ABCG1: variants seen among roughly 807,000 people sequenced by gnomAD.
ABCG1 encodes ATP binding cassette subfamily G member 1.
Under a neutral mutation model 69.2 loss-of-function variants are expected in ABCG1, and 29 were observed. That is an observed-to-expected ratio of 0.42 (90% CI 0.31 to 0.57). ABCG1 has a LOEUF of 0.57. Among genes scored for constraint, ABCG1 ranks in the 20% least tolerant of loss-of-function variants. ABCG1 has a pLI of 0.15. For synonymous variants in ABCG1, 370 were observed against 374.8 expected, an observed-to-expected ratio of 0.99 and a Z score of 0.15; for missense variants, 718 against 898.1, an observed-to-expected ratio of 0.80 and a Z score of 2.56.
intron 2 of ABCG1, 24 bp from the exon 3 acceptor site, chr21:42,271,046 T>C (rs1006029529): frequency 7.1e-6 from 10 of 1,403,580 alleles, no homozygotes; most frequent in South Asian, 6.1e-5. Flanking sequence ...GAAATGAATA[T>C]GAATATGATC....
chr21:42,243,445 CGCGTGTGT>C (rs61243535), intron 2 of ABCG1, among the ~76,000 whole-genome samples: 6,129 of 79,680 alleles, frequency 0.077, 314 homozygotes, highest in African/African-American at 0.2. Context: ...CGTGTGTGTG[CGCGTGTGT>C]GTGTGTGTGT....
chr21:42,293,072 C>CACACAACACACT (rs2069108255), intron 13 of ABCG1, among the ~76,000 whole-genome samples: 2 of 72,700 alleles, frequency 2.8e-5, no homozygotes, highest in African/African-American at 6.2e-5. Context: ...CCACACTACA[C>CACACAACACACT]ACACACCACA....
At chr21:42,281,939 C>T (rs2068817391) in intron 5 of ABCG1, among the ~76,000 whole-genome samples, 1 of 152,244 alleles carries the variant, frequency 6.6e-6, no homozygotes, top group South Asian at 2.1e-4. Context: ...CTAGGCTTAG[C>T]AGTGAGGAAC....
At chr21:42,254,014 G>A (rs759911428) in intron 2 of ABCG1, among the ~76,000 whole-genome samples, 25 of 152,184 alleles carry the variant, frequency 1.6e-4, no homozygotes, top group Non-Finnish European at 3.2e-4. Flanking sequence ...AGCTGCTGGT[G>A]CTGCTTAGAG....
rs947593920 is a variant in ABCG1, at chr21:42,273,525, C to G, written c.537+90C>G. 1 of 1,468,644 alleles carries G rather than the reference C, an allele frequency of 6.8e-7. No individual in the cohort carries two copies. The highest frequency in any genetic ancestry group is 2.1e-5 in the Admixed American group (1 of 47,856). 91.0% of individuals were successfully genotyped at this position (1,468,644 alleles called of 1,614,324 possible). Reference sequence around the variant, plus strand: ...ACAGCACTGGCCGAGTGCCCAGCTGCGAGGGACCCAAGGGCTCTGCCACGC... The same window carrying G: ...ACAGCACTGGCCGAGTGCCCAGCTGGGAGGGACCCAAGGGCTCTGCCACGC... On this transcript the variant is annotated intron_variant, in intron 4 of 14. Coordinates refer to ENST00000398449, the MANE Select transcript of ABCG1 (RefSeq NM_016818.3). The surrounding 1 kb of genome is among the most constrained non-coding windows in gnomAD (Gnocchi z 5.3).
At chr21:42,235,683 C>T (rs1303807699) in intron 2 of ABCG1, among the ~76,000 whole-genome samples, 1 of 152,138 alleles carries the variant, frequency 6.6e-6, no homozygotes, top group South Asian at 2.1e-4. Context: ...GGTTACGATA[C>T]GGGGCTGTGG....
chr21:42,216,115 CTT>C (rs1389490771), upstream of ABCG1: 2 of 450,860 alleles, frequency 4.4e-6, no homozygotes, highest in African/African-American at 2.0e-5. Context: ...AGCTCTCTCT[CTT>C]GTCTGCCGCC....
At chr21:42,229,247 G>A (rs975170566) in intron 2 of ABCG1, among the ~76,000 whole-genome samples, 2 of 152,238 alleles carry the variant, frequency 1.3e-5, no homozygotes, top group African/African-American at 2.4e-5. Flanking sequence ...TGGGTCAGGG[G>A]CTACTTCTCT....
At chr21:42,261,669 G>A (rs372362800) in intron 2 of ABCG1, among the ~76,000 whole-genome samples, 4 of 152,204 alleles carry the variant, frequency 2.6e-5, no homozygotes, top group Admixed American at 1.3e-4. Context: ...CGGCCCCCTC[G>A]GGAAGCTGGC....
At chr21:42,283,712 T>TCCCCC (rs2068861579) in intron 6 of ABCG1, among the ~76,000 whole-genome samples, 13 of 76,466 alleles carry the variant, frequency 1.7e-4, no homozygotes, top group African/African-American at 7.7e-4. Flanking sequence ...AGTTGTGAAG[T>TCCCCC]ACCACCCACC....
intron 2 of ABCG1, among the ~76,000 whole-genome samples, chr21:42,244,080 A>G (rs1234508664): frequency 6.6e-6 from 1 of 151,986 alleles, no homozygotes; most frequent in East Asian, 1.9e-4. Flanking sequence ...CGGCCTCCCA[A>G]AGTGCTGGGA....
intron 2 of ABCG1, among the ~76,000 whole-genome samples, chr21:42,234,175 G>T (rs1320164302): frequency 1.3e-5 from 2 of 152,184 alleles, no homozygotes; most frequent in African/African-American, 4.8e-5. Context: ...GGGAAGGAGG[G>T]TGGAGGGGGA....
chr21:42,288,045 A>G lies in ABCG1; in HGVS notation c.1122+8A>G, dbSNP rs1174397752. The G allele has an allele frequency of 1.9e-6, 3 of 1,606,990 alleles. No individual in the cohort carries two copies. In the Admixed American group the frequency reaches 5.1e-5, roughly 27 times the overall value. Reference sequence around the variant, plus strand: ...CACCGGCCCTCTGAAGAGGTAAAGCAGACAAAACGATTAAAGGGGTTGAGA... The same window carrying G: ...CACCGGCCCTCTGAAGAGGTAAAGCGGACAAAACGATTAAAGGGGTTGAGA... On this transcript the variant is annotated splice_region_variant and intron_variant, in intron 9 of 14. Coordinates refer to ENST00000398449, the MANE Select transcript of ABCG1 (RefSeq NM_016818.3). This position sits in a 1 kb window ranked among gnomAD's most constrained non-coding sequence, Gnocchi z 4.8.
Position 42,226,490 on chromosome 21 carries a change from C to T in ABCG1, c.286+576C>T, listed in dbSNP as rs4148109. Among the ~76,000 whole-genome samples, 82 of 152,332 alleles carry T rather than the reference C, an allele frequency of 5.4e-4. 5 individuals are homozygous for T. The East Asian group carries it at 0.011, about 20-fold the overall frequency. ...GATAGAGCTCAGGAGGTGTCTGGAA[C>T]GCCACACAGTGCAGGAGTTTGCCAC... On this transcript the variant is annotated intron_variant, in intron 2 of 14. Transcript: ENST00000398449.
intron 2 of ABCG1, among the ~76,000 whole-genome samples, chr21:42,239,416 A>G (rs2068019458): frequency 1.3e-5 from 2 of 152,248 alleles, no homozygotes; most frequent in Non-Finnish European, 2.9e-5. Flanking sequence ...TTTAGTTCTC[A>G]TTCTAAATGT....
rs1417243333 is a variant in ABCG1 at position 42,282,329 on chromosome 21, G to A, written c.644G>A (p.Gly215Glu). ...CTGTCTTGCGCCAACACGCGGACCG[G>A]GAGCCTGTCAGGTGGTCAGCGCAAG... ...GLLSCANTRT[G>E]SLSGGQRKRL... The change falls in exon 6 of 15, where the codon GGG becomes GAG. Residue 215 changes from glycine to glutamate, a missense_variant. Transcript: ENST00000398449. The A allele has an allele frequency of 6.2e-7, 1 of 1,613,530 alleles. No individual in the cohort carries two copies. The highest frequency in any genetic ancestry group is 8.5e-7 in the Non-Finnish European group (1 of 1,180,030).
chr21:42,225,274 G>C (rs560779974), intron 1 of ABCG1, among the ~76,000 whole-genome samples: 1 of 152,056 alleles, frequency 6.6e-6, no homozygotes, highest in African/African-American at 2.4e-5. Flanking sequence ...TAAGTTTCTC[G>C]GTTTTTTATT....
intron 7 of ABCG1, among the ~76,000 whole-genome samples, chr21:42,285,615 A>T (rs9653812): frequency 1.3e-5 from 2 of 151,994 alleles, no homozygotes; most frequent in African/African-American, 4.8e-5. Flanking sequence ...TTTTCTGAGC[A>T]GGGGGTTAGC....
intron 2 of ABCG1, among the ~76,000 whole-genome samples, chr21:42,206,175 C>T (rs1183401225): frequency 6.6e-6 from 1 of 152,000 alleles, no homozygotes; most frequent in Non-Finnish European, 1.5e-5. Flanking sequence ...CATGGTGAAA[C>T]CCCATCTCTA....
Sources: allele counts gnomAD v4.1 joint callset (sites outside exome capture counted in the v4.1 genomes callset), GRCh38; gene constraint gnomAD v4.1.1; non-coding constraint Gnocchi (gnomAD v3.1); transcripts MANE v1.5; gene names NCBI Gene and HGNC (gene_info 2026-07-23, HGNC 2026-07-21).